The following CFAP299 variants were observed in gnomAD, a reference collection of about 807,000 sequenced individuals.
CFAP299 encodes the protein cilia- and flagella-associated protein 299.
CFAP299 carries 21 observed loss-of-function variants against 27.0 expected under a neutral mutation model. The observed-to-expected ratio is 0.78, with a 90% CI of 0.55 to 1.12. The LOEUF (loss-of-function observed/expected upper bound fraction) is 1.12, where lower values mean the gene tolerates loss of function less well. Ranked by LOEUF, CFAP299 falls within the 50% of genes most tolerant of loss-of-function variation. The probability of loss-of-function intolerance (pLI) is 0.00; values close to 1 mark genes in which losing one functional copy is unlikely to be tolerated. For missense variants in CFAP299, 310 were observed against 276.6 expected (o/e 1.12, Z -0.86); for synonymous variants, 104 against 98.1 (o/e 1.06, Z -0.36).
chr4:80,939,967 T>C (rs1287332881), intron 4 of CFAP299, among the ~76,000 whole-genome samples: 1 of 152,182 alleles, frequency 6.6e-6, no homozygotes, highest in Non-Finnish European at 1.5e-5. Context: ...CACATGGCAA[T>C]GCCCTGAAGT....
At chr4:80,356,336 A>C (rs898519964) in intron 1 of CFAP299, among the ~76,000 whole-genome samples, 6 of 152,104 alleles carry the variant, frequency 3.9e-5, no homozygotes, top group Non-Finnish European at 8.8e-5. Flanking sequence ...TTAGTTCCAT[A>C]TGTATTTTAA....
chr4:80,376,725 G>T (rs1228408114), intron 2 of CFAP299, among the ~76,000 whole-genome samples: 1 of 152,074 alleles, frequency 6.6e-6, no homozygotes, highest in Admixed American at 6.5e-5. Flanking sequence ...CATGATTTTG[G>T]CTCACTGCAA....
intron 4 of CFAP299, among the ~76,000 whole-genome samples, chr4:80,903,003 C>T (rs1364549628): frequency 6.6e-6 from 1 of 151,752 alleles, no homozygotes; most frequent in African/African-American, 2.4e-5. Context: ...TACTATATAA[C>T]CAAGAAATTA....
chr4:80,872,842 A>C, intron 4 of CFAP299: 2 of 908,394 alleles, frequency 2.2e-6, no homozygotes, highest in Non-Finnish European at 2.6e-6. Flanking sequence ...GATTCGTTTT[A>C]TTTATTTTTG....
At chr4:80,906,730 G>C (rs1322378631) in intron 4 of CFAP299, among the ~76,000 whole-genome samples, 1 of 152,138 alleles carries the variant, frequency 6.6e-6, no homozygotes, top group Non-Finnish European at 1.5e-5. Flanking sequence ...ACCCCTTTTA[G>C]CCATGGCTGG....
At chr4:80,515,220 C>T (rs1261712389) in intron 2 of CFAP299, among the ~76,000 whole-genome samples, 1 of 152,104 alleles carries the variant, frequency 6.6e-6, no homozygotes, top group Non-Finnish European at 1.5e-5. Flanking sequence ...ATTATGCAAG[C>T]AACTGCTTGA....
At chr4:80,862,142 G>A (rs993568223) in intron 3 of CFAP299, among the ~76,000 whole-genome samples, 4 of 152,102 alleles carry the variant, frequency 2.6e-5, no homozygotes, top group Admixed American at 2.6e-4. Flanking sequence ...GGCCACGGTG[G>A]GTGGATCATT....
At chr4:80,375,946 G>A (rs918142882) in intron 2 of CFAP299, among the ~76,000 whole-genome samples, 4 of 152,294 alleles carry the variant, frequency 2.6e-5, no homozygotes, top group East Asian at 1.9e-4. Flanking sequence ...TTTATAATTC[G>A]TTTTTGAAAG....
At chr4:80,444,258 A>T (rs969408496) in intron 2 of CFAP299, among the ~76,000 whole-genome samples, 2 of 152,218 alleles carry the variant, frequency 1.3e-5, no homozygotes, top group African/African-American at 2.4e-5. Flanking sequence ...TGGAGGCATC[A>T]TGCTACCTGA....
chr4:80,597,373 G>A (rs908467250), intron 3 of CFAP299, among the ~76,000 whole-genome samples: 12 of 152,126 alleles, frequency 7.9e-5, no homozygotes, highest in South Asian at 4.1e-4. Context: ...TCTGAAAAGC[G>A]TCTATTCACA....
At chr4:80,532,630 C>CT (rs1733531986) in intron 2 of CFAP299, among the ~76,000 whole-genome samples, 1 of 152,170 alleles carries the variant, frequency 6.6e-6, no homozygotes, top group Admixed American at 6.5e-5. Flanking sequence ...AAATGACATA[C>CT]TATAGGTAAA....
At chr4:80,587,275 A>G (rs1009794484) in intron 3 of CFAP299, among the ~76,000 whole-genome samples, 2 of 152,146 alleles carry the variant, frequency 1.3e-5, no homozygotes, top group Non-Finnish European at 2.9e-5. Flanking sequence ...CGTTTGGGGG[A>G]AAATGTATAT....
chr4:80,756,101 G>C (rs1725222753), intron 3 of CFAP299, among the ~76,000 whole-genome samples: 1 of 152,006 alleles, frequency 6.6e-6, no homozygotes, highest in Admixed American at 6.6e-5. Flanking sequence ...ATAGAAAATA[G>C]TGGTGCCCAT....
Position 80,518,178 on chromosome 4 carries a change from A to G in CFAP299, c.243-64915A>G, listed in dbSNP as rs930128539. Reference sequence around the variant, plus strand: ...GATTATTCATATGGACTTTGAAGACATACAAGATAATATTAGCAATTGGTG... The same window carrying G: ...GATTATTCATATGGACTTTGAAGACGTACAAGATAATATTAGCAATTGGTG... On this transcript the variant is annotated intron_variant, in intron 2 of 5. Coordinates refer to ENST00000358105, the MANE Select transcript of CFAP299 (RefSeq NM_152770.3). Among the ~76,000 whole-genome samples, 4 of 152,154 alleles carry G rather than the reference A, an allele frequency of 2.6e-5. No individual in the cohort carries two copies. The East Asian group carries it at 5.8e-4, about 22-fold the overall frequency.
At chr4:80,322,211 A>G in the CFAP299 span, among the ~76,000 whole-genome samples, 1 of 152,188 alleles carries the variant, frequency 6.6e-6, no homozygotes, top group Admixed American at 6.5e-5. Context: ...CACCTGTGTA[A>G]AAGGGCTTGG....
intron 1 of CFAP299, among the ~76,000 whole-genome samples, chr4:80,338,174 T>C (rs1428255762): frequency 6.6e-6 from 1 of 152,214 alleles, no homozygotes; most frequent in African/African-American, 2.4e-5. Flanking sequence ...CATTTTATTT[T>C]AACTAACAAA....
At chr4:80,413,425 C>T (rs1495486) in intron 2 of CFAP299, among the ~76,000 whole-genome samples, 104,561 of 152,046 alleles carry the variant, frequency 0.69, 37,130 homozygotes, top group Non-Finnish European at 0.77. Flanking sequence ...GCTAGGTAGA[C>T]AGAAACTAAC....
intron 2 of CFAP299, among the ~76,000 whole-genome samples, chr4:80,400,632 T>G (rs910537849): frequency 5.3e-5 from 8 of 152,208 alleles, no homozygotes; most frequent in Admixed American, 1.3e-4. Flanking sequence ...TCCGTCCAAT[T>G]AAACCCCTTT....
chr4:80,515,360 C>T (rs986294069), intron 2 of CFAP299, among the ~76,000 whole-genome samples: 1 of 152,128 alleles, frequency 6.6e-6, no homozygotes, highest in Non-Finnish European at 1.5e-5. Flanking sequence ...ACATTATTAT[C>T]CAAGCTGGCT....
Sources: gnomAD v4.1 joint callset for allele counts (sites outside exome capture counted in the v4.1 genomes callset) on GRCh38, gnomAD v4.1.1 for gene constraint, MANE v1.5 for transcripts, NCBI Gene and HGNC (gene_info 2026-07-23, HGNC 2026-07-21) for gene names.